RELL1: variants seen among roughly 807,000 people sequenced by gnomAD.
RELL1 encodes the protein RELT-like protein 1.
In RELL1, 10 loss-of-function variants were observed where a neutral mutation model predicts 23.0. The observed-to-expected ratio is 0.43, with a 90% CI of 0.27 to 0.74. The LOEUF (loss-of-function observed/expected upper bound fraction) is 0.74, where lower values mean the gene tolerates loss of function less well. Among genes scored for constraint, RELL1 ranks in the 30% least tolerant of loss-of-function variants. RELL1 has a pLI of 0.19. For missense variants in RELL1, 315 were observed against 364.4 expected (o/e 0.86, Z 1.10); for synonymous variants, 146 against 146.8 (o/e 0.99, Z 0.04).
At chr4:37,605,793 G>GAGAGAGAGAGAGAAAGAAAGAA (rs1269670059), downstream of RELL1, among the ~76,000 whole-genome samples, 22 of 90,400 alleles carry the variant, frequency 2.4e-4, no homozygotes, top group Middle Eastern at 5.7e-3. Context: ...GAGAAAGAAA[G>GAGAGAGAGAGAGAAAGAAAGAA]AGAAAGAAAG....
At chr4:37,587,886 T>C (rs527687885), downstream of RELL1, among the ~76,000 whole-genome samples, 25 of 152,196 alleles carry the variant, frequency 1.6e-4, no homozygotes, top group South Asian at 4.8e-3. Context: ...GGAGAATCGC[T>C]TGAACCTGGG....
Position 37,650,447 on chromosome 4 carries a change from C to T in RELL1, c.89-947G>A, listed in dbSNP as rs537229827. On this transcript the variant is annotated intron_variant, in intron 1 of 6. Transcript: ENST00000454158. ...GATGAACAACGTAACGTAGCCCCTG[C>T]CATCTTGAGGCTCGTATATGATGGC... Among the ~76,000 whole-genome samples the T allele has an allele frequency of 3.9e-5, 6 of 152,286 alleles. No individual in the cohort carries two copies. In the South Asian group the frequency reaches 1.0e-3, roughly 26 times the overall value.
At chr4:37,682,704 C>T (rs7693335) in intron 1 of RELL1, among the ~76,000 whole-genome samples, 12,651 of 152,232 alleles carry the variant, frequency 0.083, 834 homozygotes, top group African/African-American at 0.18. Flanking sequence ...TTTCCAAACA[C>T]TATATATTAT....
chr4:37,606,652 A>G (rs553852793), downstream of RELL1, among the ~76,000 whole-genome samples: 2 of 152,370 alleles, frequency 1.3e-5, no homozygotes, highest in South Asian at 4.1e-4. The surrounding 1 kb of genome is among the most constrained non-coding windows in gnomAD (Gnocchi z 4.1). Flanking sequence ...ATTATACCCC[A>G]GAGATATCAG....
intron 1 of RELL1, among the ~76,000 whole-genome samples, chr4:37,679,937 G>C (rs1226012752): frequency 6.6e-6 from 1 of 152,042 alleles, no homozygotes; most frequent in Non-Finnish European, 1.5e-5. Flanking sequence ...GGGAGACAGA[G>C]AGAGACTCCA....
intron 6 of RELL1, among the ~76,000 whole-genome samples, chr4:37,628,597 G>A (rs1389091852): frequency 2.6e-5 from 4 of 152,112 alleles, no homozygotes; most frequent in South Asian, 2.1e-4. Context: ...CGGAAAACAC[G>A]TCACCCTTTG....
At chr4:37,590,957 TA>T in exon 7 of RELL1, 1 of 1,613,706 alleles carries the variant, frequency 6.2e-7, no homozygotes, top group East Asian at 2.2e-5. Flanking sequence ...CTTGCAGCTT[TA>T]GAAGCTGCTA....
chr4:37,651,018 C>T (rs1269410038), intron 1 of RELL1, among the ~76,000 whole-genome samples: 1 of 149,038 alleles, frequency 6.7e-6, no homozygotes. Context: ...AAGAAGTGCA[C>T]CACTGCACTT....
Position 37,611,542 on chromosome 4 carries a change from T to G in RELL1, c.*1804A>C, listed in dbSNP as rs368540568. Among the ~76,000 whole-genome samples, 80 of 152,260 alleles carry G rather than the reference T, an allele frequency of 5.3e-4. 3 individuals are homozygous for G. The highest frequency in any genetic ancestry group is 1.6e-3 in the African/African-American group (68 of 41,554). On this transcript the variant is annotated 3_prime_UTR_variant, in exon 7 of 7. Coordinates refer to ENST00000454158, the MANE Select transcript of RELL1 (RefSeq NM_001085400.2). ...TGGAAATCATCTTTTGGGAGACAAA[T>G]GAAAGATGTGCATTTTCCTATATGA...
intron 6 of RELL1, among the ~76,000 whole-genome samples, chr4:37,604,109 G>A (rs1719087208): frequency 6.6e-6 from 1 of 151,886 alleles, no homozygotes; most frequent in Non-Finnish European, 1.5e-5. Flanking sequence ...AGGGTGGGGA[G>A]CTTGCTGAAC....
intron 1 of RELL1, among the ~76,000 whole-genome samples, chr4:37,670,575 C>A (rs1721800181): frequency 6.9e-6 from 1 of 145,144 alleles, no homozygotes; most frequent in Non-Finnish European, 1.5e-5. Flanking sequence ...CCCACTAAAT[C>A]TTTTTTTTTT....
intron 3 of RELL1, among the ~76,000 whole-genome samples, chr4:37,642,266 C>A (rs557067157): frequency 3.9e-4 from 59 of 152,324 alleles, no homozygotes; most frequent in Non-Finnish European, 6.9e-4. Flanking sequence ...ATCAGAAGTA[C>A]TAATCACTAA....
chr4:37,649,732 A>G (rs1720835250), intron 1 of RELL1, among the ~76,000 whole-genome samples: 1 of 152,234 alleles, frequency 6.6e-6, no homozygotes. Flanking sequence ...TTTTTAAAAC[A>G]TCCTTTGAAG....
intron 1 of RELL1, among the ~76,000 whole-genome samples, chr4:37,668,867 C>T (rs1188910973): frequency 6.7e-6 from 1 of 149,988 alleles, no homozygotes; most frequent in Admixed American, 6.6e-5. Context: ...TCTGCCCTGT[C>T]GCCTCGTCCG....
chr4:37,681,530 T>G (rs1052506640), intron 1 of RELL1, among the ~76,000 whole-genome samples: 3 of 138,976 alleles, frequency 2.2e-5, no homozygotes, highest in Admixed American at 7.2e-5. Flanking sequence ...TTTTTTTTTT[T>G]TTTTTTTTTT....
chr4:37,635,045 G>T lies in RELL1; in HGVS notation c.522C>A (p.His174Gln), dbSNP rs368998124. 6 of 1,614,218 alleles carry T rather than the reference G, an allele frequency of 3.7e-6. No individual in the cohort carries two copies. The highest frequency in any genetic ancestry group is 5.1e-6 in the Non-Finnish European group (6 of 1,180,042). The change falls in exon 5 of 7, where the codon CAC (histidine) becomes CAA (glutamine). Residue 174 changes from histidine (H) to glutamine (Q), a missense_variant. By Grantham distance (24) the His-to-Gln change is conservative. Transcript: ENST00000454158. ...PLSPGGTPGK[H>Q]VCGHHLHTVG... ...CCGTATGCAGATGATGGCCACAGAC[G>T]TGCTTCCCTGGCGTCCCCCCTGGTG... is the stretch of plus-strand genomic sequence containing the variant.
rs1719382473 is a variant in RELL1, at chr4:37,611,686, T to C, written c.*1660A>G. On this transcript the variant is annotated 3_prime_UTR_variant, in exon 7 of 7. Coordinates refer to ENST00000454158, the MANE Select transcript of RELL1 (RefSeq NM_001085400.2). Reference sequence around the variant, plus strand: ...CTACCATAAATCATGTAATACTATTTATGCCTCTGGGTCCTTTCAGGTGTT... The same window carrying C: ...CTACCATAAATCATGTAATACTATTCATGCCTCTGGGTCCTTTCAGGTGTT... Among the ~76,000 whole-genome samples the C allele has an allele frequency of 6.6e-6, 1 of 152,026 alleles. No individual in the cohort carries two copies.
intron 1 of RELL1, chr4:37,665,452 G>T (rs1178521629): frequency 8.2e-6 from 3 of 367,414 alleles, no homozygotes; most frequent in African/African-American, 4.3e-5. Context: ...CTCTCAACTG[G>T]ATTTTCACAG....
chr4:37,625,783 A>G (rs1319322525), intron 6 of RELL1, among the ~76,000 whole-genome samples: 1 of 152,230 alleles, frequency 6.6e-6, no homozygotes, highest in African/African-American at 2.4e-5. Context: ...AAAATGATAA[A>G]TATATGATGT....
Sources: allele counts gnomAD v4.1 joint callset (sites outside exome capture counted in the v4.1 genomes callset), GRCh38; gene constraint gnomAD v4.1.1; non-coding constraint Gnocchi (gnomAD v3.1); transcripts MANE v1.5; gene names NCBI Gene and HGNC (gene_info 2026-07-23, HGNC 2026-07-21).